Variants in C8orf34 observed in about 807,000 individuals in gnomAD.
The protein encoded by C8orf34 is uncharacterized protein C8orf34.
Under a neutral mutation model 68.3 loss-of-function variants are expected in C8orf34, and 65 were observed. The ratio of observed to expected loss-of-function variants is 0.95; its 90% CI spans 0.78 to 1.17. The LOEUF is 1.17. Ranked by LOEUF, C8orf34 falls within the 50% of genes most tolerant of loss-of-function variation. C8orf34 has a pLI of 0.00. For synonymous variants in C8orf34, 244 were observed against 241.2 expected (o/e 1.01, Z -0.11); for missense variants, 664 against 655.4 (o/e 1.01, Z -0.14).
intron 5 of C8orf34, among the ~76,000 whole-genome samples, chr8:68,492,456 C>T (rs771060177): frequency 5.3e-5 from 8 of 151,944 alleles, no homozygotes; most frequent in African/African-American, 1.5e-4. Context: ...CTCAAACTCC[C>T]GGCCTTAAGC....
chr8:68,465,358 C>G (rs9801874), intron 3 of C8orf34, among the ~76,000 whole-genome samples: 86,604 of 140,062 alleles, frequency 0.62, 26,759 homozygotes, highest in East Asian at 0.66. Context: ...TGGTGGGACT[C>G]TAAACTAGTT....
At chr8:68,648,275 A>G (rs1393195098) in intron 8 of C8orf34, among the ~76,000 whole-genome samples, 3 of 152,246 alleles carry the variant, frequency 2.0e-5, no homozygotes, top group Admixed American at 1.3e-4. Context: ...TAGGTCAGTA[A>G]TGCAAATTGT....
At position 68,705,931 on chromosome 8, in the gene C8orf34, C is replaced by T. The variant is rs150788656; in HGVS notation, c.1242-3063C>T. 9.1e-3 allele frequency among the ~76,000 whole-genome samples: 1,379 copies of T among 152,144 alleles called. 12 individuals are homozygous for T. The highest frequency in any genetic ancestry group is 0.012 in the Non-Finnish European group (813 of 68,008). On this transcript the variant is annotated intron_variant, in intron 8 of 13. Coordinates refer to ENST00000518698, the MANE Select transcript of C8orf34 (RefSeq NM_052958.4). Reference sequence around the variant, plus strand: ...GAGACAGGGCCTCTTGCGCTCTGCGCGTTGGAAAGGTAGTGAATACAGATT... The same window carrying T: ...GAGACAGGGCCTCTTGCGCTCTGCGTGTTGGAAAGGTAGTGAATACAGATT...
intron 8 of C8orf34, among the ~76,000 whole-genome samples, chr8:68,699,995 G>A (rs780912753): frequency 4.6e-5 from 7 of 152,016 alleles, no homozygotes; most frequent in African/African-American, 1.2e-4. Flanking sequence ...AGGTTCTTGC[G>A]AATGAGAGAG....
At chr8:68,803,729 AATAG>A (rs1824399663) in intron 12 of C8orf34, among the ~76,000 whole-genome samples, 1 of 152,166 alleles carries the variant, frequency 6.6e-6, no homozygotes, top group African/African-American at 2.4e-5. Context: ...CATATAAGAT[AATAG>A]ATAGTTTTGT....
At chr8:68,741,096 AG>A (rs1822277388) in intron 10 of C8orf34, among the ~76,000 whole-genome samples, 1 of 151,932 alleles carries the variant, frequency 6.6e-6, no homozygotes, top group Non-Finnish European at 1.5e-5. Flanking sequence ...GAAGGGAGGG[AG>A]GGGGGAGAGG....
rs1810805656 is a variant in C8orf34 at position 68,439,486 on chromosome 8, A to C, written c.328-13A>C. On this transcript the variant is annotated splice_polypyrimidine_tract_variant and intron_variant, in intron 1 of 13. Transcript: ENST00000518698. The stretch of plus-strand genomic sequence containing the variant: ...ATTATTAATTATAATTGTGTGCTCT[A>C]TTCTGCCTTCAGGAATTAATGACCA... 1 of 1,611,234 alleles carries C rather than the reference A, an allele frequency of 6.2e-7. No individual in the cohort carries two copies. The highest frequency in any genetic ancestry group is 2.2e-5 in the East Asian group (1 of 44,746).
intron 7 of C8orf34, among the ~76,000 whole-genome samples, chr8:68,595,334 T>TA (rs1817513183): frequency 6.6e-6 from 1 of 152,044 alleles, no homozygotes; most frequent in Non-Finnish European, 1.5e-5. Context: ...TGTCTAAAAA[T>TA]ATCATTTTAA....
At chr8:68,607,623 C>T (rs1817893884) in intron 7 of C8orf34, among the ~76,000 whole-genome samples, 1 of 152,186 alleles carries the variant, frequency 6.6e-6, no homozygotes, top group East Asian at 1.9e-4. Context: ...AATTTTTCAG[C>T]CCATGACACC....
At chr8:68,614,149 T>A (rs954753660) in intron 7 of C8orf34, among the ~76,000 whole-genome samples, 29 of 152,160 alleles carry the variant, frequency 1.9e-4, no homozygotes, top group African/African-American at 6.8e-4. Context: ...TGTTTTTTTC[T>A]TGTAAATTTG....
At chr8:68,358,120 G>A (rs1806826105) in intron 1 of C8orf34, among the ~76,000 whole-genome samples, 2 of 152,008 alleles carry the variant, frequency 1.3e-5, no homozygotes, top group Admixed American at 1.3e-4. Flanking sequence ...TAAATAAATC[G>A]TAAAGCAACA....
chr8:68,471,163 G>C (rs981011243), intron 4 of C8orf34, among the ~76,000 whole-genome samples: 2 of 152,096 alleles, frequency 1.3e-5, no homozygotes, highest in Non-Finnish European at 2.9e-5. Context: ...ATAGTAGAAG[G>C]TTGTTTTTGG....
At chr8:68,410,262 C>T (rs1430417186) in intron 1 of C8orf34, among the ~76,000 whole-genome samples, 1 of 152,100 alleles carries the variant, frequency 6.6e-6, no homozygotes, top group Non-Finnish European at 1.5e-5. Flanking sequence ...CTTCCTTGTA[C>T]AATACAGTTG....
At chr8:68,415,543 T>C (rs1809629881) in intron 1 of C8orf34, among the ~76,000 whole-genome samples, 1 of 152,180 alleles carries the variant, frequency 6.6e-6, no homozygotes, top group Non-Finnish European at 1.5e-5. Context: ...TTCAGGAGAT[T>C]GCATGCAGTA....
At chr8:68,525,747 C>T (rs1433062056) in intron 6 of C8orf34, 3 of 631,854 alleles carry the variant, frequency 4.7e-6, no homozygotes, top group Non-Finnish European at 9.0e-6. Context: ...GCTCTGTGAT[C>T]ATCAATGATT....
rs141628798 is a variant in C8orf34 at position 68,459,178 on chromosome 8, G to T, written c.608-9514G>T. On this transcript the variant is annotated intron_variant, in intron 3 of 13. Coordinates refer to ENST00000518698, the MANE Select transcript of C8orf34 (RefSeq NM_052958.4). ...GCTATCATTAAAAAGAAAAATAATA[G>T]ATGTTAGCAAGGATGCAGAGAAAAG... 2.1e-3 allele frequency among the ~76,000 whole-genome samples: 327 copies of T among 152,218 alleles called. 1 individual carries two copies. The highest frequency in any genetic ancestry group is 7.1e-3 in the African/African-American group (294 of 41,538).
intron 3 of C8orf34, among the ~76,000 whole-genome samples, chr8:68,458,186 T>C (rs1811633314): frequency 6.6e-6 from 1 of 152,174 alleles, no homozygotes; most frequent in Admixed American, 6.5e-5. Flanking sequence ...CTCTCAAAAG[T>C]CGCCAAGGAA....
At position 68,645,568 on chromosome 8, in the gene C8orf34, CGTT is replaced by C. The variant is rs989343414; in HGVS notation, c.1241+5070_1241+5072del. ...GCAATGTTTTTGTTTGTTTGTTTCT[CGTT>C]GTTGTTGTTGTTTCTTAAGAGTTTC... On this transcript the variant is annotated intron_variant, in intron 8 of 13. Coordinates refer to ENST00000518698, the MANE Select transcript of C8orf34 (RefSeq NM_052958.4). Among the ~76,000 whole-genome samples the C allele has an allele frequency of 1.5e-4, 23 of 152,096 alleles. No homozygotes were observed. The East Asian group carries it at 1.7e-3, about 12-fold the overall frequency.
At chr8:68,616,138 C>G (rs1159592117) in intron 7 of C8orf34, among the ~76,000 whole-genome samples, 2 of 150,922 alleles carry the variant, frequency 1.3e-5, no homozygotes, top group African/African-American at 2.5e-5. Flanking sequence ...GTGGTGATAT[C>G]CCCTTTATTG....
Sources: allele counts gnomAD v4.1 joint callset (sites outside exome capture counted in the v4.1 genomes callset), GRCh38; gene constraint gnomAD v4.1.1; transcripts MANE v1.5; gene names NCBI Gene and HGNC (gene_info 2026-07-23, HGNC 2026-07-21).